The following HIVEP3 variants were observed in gnomAD, a reference collection of about 807,000 sequenced individuals.
HIVEP3 encodes the protein HIVEP zinc finger 3.
Under a neutral mutation model 152.8 loss-of-function variants are expected in HIVEP3, and 49 were observed. That is an observed-to-expected ratio of 0.32 (90% CI 0.26 to 0.41). The LOEUF (loss-of-function observed/expected upper bound fraction) is 0.41. Among genes scored for constraint, HIVEP3 ranks in the 10% least tolerant of loss-of-function variants. The pLI, the probability that HIVEP3 is intolerant of heterozygous loss-of-function variation, is 1.00. For synonymous variants in HIVEP3, 1,269 were observed against 1,289.0 expected, an observed-to-expected ratio of 0.98 and a Z score of 0.33; for missense variants, 2,790 against 3,103.3, an observed-to-expected ratio of 0.90 and a Z score of 2.40.
chr1:41,977,681 G>C (rs1229478866), intron 1 of HIVEP3, among the ~76,000 whole-genome samples: 2 of 152,190 alleles, frequency 1.3e-5, no homozygotes, highest in Non-Finnish European at 1.5e-5. Flanking sequence ...CAACATACAA[G>C]GACAGTGCTG....
chr1:41,559,076 A>G (rs1001012266), intron 5 of HIVEP3, among the ~76,000 whole-genome samples: 2 of 152,110 alleles, frequency 1.3e-5, no homozygotes, highest in African/African-American at 4.8e-5. Context: ...TCATGTCAAC[A>G]GATGACCCCA....
At chr1:41,514,789 T>C (rs1486923581) in intron 7 of HIVEP3, among the ~76,000 whole-genome samples, 1 of 152,222 alleles carries the variant, frequency 6.6e-6, no homozygotes, top group African/African-American at 2.4e-5. Context: ...GTGATACTTG[T>C]TTCAGATATT....
chr1:41,747,565 T>G (rs895168833), intron 1 of HIVEP3, among the ~76,000 whole-genome samples: 21 of 152,240 alleles, frequency 1.4e-4, no homozygotes, highest in Admixed American at 1.1e-3. Flanking sequence ...ATCACCACCA[T>G]TCACATGTGA....
chr1:41,764,282 A>G (rs1647872929), intron 1 of HIVEP3, among the ~76,000 whole-genome samples: 1 of 152,222 alleles, frequency 6.6e-6, no homozygotes. Context: ...GTAAGATTGG[A>G]AAATGGAAGG....
intron 1 of HIVEP3, among the ~76,000 whole-genome samples, chr1:41,850,726 T>G (rs903850632): frequency 6.6e-6 from 1 of 152,220 alleles, no homozygotes; most frequent in Non-Finnish European, 1.5e-5. Flanking sequence ...GTGAGTCCAC[T>G]GCCTAGAACT....
chr1:41,667,030 C>T (rs1645806166), intron 2 of HIVEP3, among the ~76,000 whole-genome samples: 1 of 152,190 alleles, frequency 6.6e-6, no homozygotes, highest in Admixed American at 6.5e-5. Context: ...GCTCAGAGGC[C>T]ACTTCCCTTG....
chr1:41,515,575 A>G (rs1642578569), intron 7 of HIVEP3, among the ~76,000 whole-genome samples: 1 of 152,208 alleles, frequency 6.6e-6, no homozygotes, highest in South Asian at 2.1e-4. Context: ...AAATCCAGGC[A>G]CAGATGACCC....
At chr1:41,628,484 A>C (rs989276390) in intron 3 of HIVEP3, among the ~76,000 whole-genome samples, 3 of 152,152 alleles carry the variant, frequency 2.0e-5, no homozygotes, top group African/African-American at 7.2e-5. Context: ...ACAGAATGGA[A>C]ACTGAGGTAC....
At chr1:41,735,101 C>A (rs1229867038) in intron 1 of HIVEP3, among the ~76,000 whole-genome samples, 1 of 152,136 alleles carries the variant, frequency 6.6e-6, no homozygotes, top group African/African-American at 2.4e-5. Flanking sequence ...CTTCAACAAC[C>A]CTTTGCAGAA....
At chr1:41,531,533 G>A (rs1643254272) in intron 5 of HIVEP3, among the ~76,000 whole-genome samples, 3 of 73,018 alleles carry the variant, frequency 4.1e-5, no homozygotes, top group African/African-American at 5.1e-5. Flanking sequence ...GAGAGATGGA[G>A]GACAGGGGAG....
Position 41,513,048 on chromosome 1 carries a change from G to C in HIVEP3, c.6173C>G (p.Thr2058Ser). The change falls in exon 8 of 9, where the codon ACC (threonine) becomes AGC (serine). Residue 2058 changes from threonine to serine, a missense_variant. Around this residue, in one of 9 missense-constraint regions of HIVEP3, gnomAD observed 816 missense variants for 806.5 expected, o/e 1.01. Transcript: ENST00000372583. The stretch of plus-strand genomic sequence containing the variant: ...GTATCTGGGGAGGCCTGGGTCGGTG[G>C]TACCCTCGAGTTTGGAGAGCACATG... The part of the protein sequence containing the change: ...RAHVLSKLEG[T>S]TDPGLPRYSP... 6.2e-7 allele frequency: 1 copy of C among 1,613,832 alleles called. No homozygotes were observed. Among genetic ancestry groups the C allele is most frequent in the Non-Finnish European group, 8.5e-7 (1 of 1,179,964 alleles).
At chr1:41,765,871 T>C (rs923451136) in intron 1 of HIVEP3, among the ~76,000 whole-genome samples, 1 of 152,238 alleles carries the variant, frequency 6.6e-6, no homozygotes, top group Non-Finnish European at 1.5e-5. Flanking sequence ...GGACTTCATG[T>C]TGTGGCCTCT....
intron 3 of HIVEP3, among the ~76,000 whole-genome samples, chr1:41,594,789 T>C (rs531436123): frequency 6.6e-6 from 1 of 152,350 alleles, no homozygotes; most frequent in East Asian, 1.9e-4. Flanking sequence ...CATCCAATAT[T>C]ACTTTTTAGA....
At chr1:41,906,370 G>T (rs545551483) in intron 1 of HIVEP3, among the ~76,000 whole-genome samples, 115 of 120,316 alleles carry the variant, frequency 9.6e-4, no homozygotes, top group African/African-American at 3.5e-3. Context: ...CACAAATAAT[G>T]AATTGCTGAT....
intron 2 of HIVEP3, among the ~76,000 whole-genome samples, chr1:41,699,484 G>C (rs1395569133): frequency 6.6e-6 from 1 of 152,258 alleles, no homozygotes; most frequent in Non-Finnish European, 1.5e-5. Context: ...CAAGAAGAAG[G>C]CTTCAGGGGC....
intron 1 of HIVEP3, among the ~76,000 whole-genome samples, chr1:41,788,235 G>A (rs1649482538): frequency 6.6e-6 from 1 of 152,228 alleles, no homozygotes; most frequent in Non-Finnish European, 1.5e-5. Flanking sequence ...ATGTGCCTCA[G>A]TGTGAGGCAG....
intron 2 of HIVEP3, among the ~76,000 whole-genome samples, chr1:41,695,113 G>A (rs1192010825): frequency 2.0e-5 from 3 of 152,186 alleles, no homozygotes; most frequent in African/African-American, 7.2e-5. Flanking sequence ...AAAGAGCTTG[G>A]GTCAAAGAGC....
chr1:41,585,158 T>C lies in HIVEP3; in HGVS notation c.-361A>G. 1 of 399,910 alleles carries C rather than the reference T, an allele frequency of 2.5e-6. No homozygotes were observed. Among genetic ancestry groups the C allele is most frequent in the Non-Finnish European group, 4.4e-6 (1 of 227,006 alleles). The allele number at this position is 399,910 out of a possible 1,614,324, so 24.8% of individuals were successfully genotyped here. On this transcript the variant is annotated 5_prime_UTR_variant, in exon 4 of 9. Coordinates refer to ENST00000372583, the MANE Select transcript of HIVEP3 (RefSeq NM_024503.5). ...AGGTGGCCCCCACGAGTCCCCCGTG[T>C]GCTATGCAAACGGTTGAAGGTTGGA... is the stretch of plus-strand genomic sequence containing the variant.
chr1:41,799,025 C>T (rs1420502865), intron 1 of HIVEP3, among the ~76,000 whole-genome samples: 12 of 152,228 alleles, frequency 7.9e-5, no homozygotes, highest in Admixed American at 4.6e-4. Flanking sequence ...GACTTGTCTC[C>T]TCCCTCCTTT....
Sources: allele counts gnomAD v4.1 joint callset (sites outside exome capture counted in the v4.1 genomes callset), GRCh38; gene constraint gnomAD v4.1.1; regional missense constraint gnomAD v4.1.1; transcripts MANE v1.5; gene names NCBI Gene and HGNC (gene_info 2026-07-23, HGNC 2026-07-21).